RSRP1: variants seen among roughly 807,000 people sequenced by gnomAD.
RSRP1 encodes arginine/serine-rich protein 1.
Under a neutral mutation model 33.0 loss-of-function variants are expected in RSRP1, and 37 were observed. The ratio of observed to expected loss-of-function variants is 1.12; its 90% CI spans 0.86 to 1.48. The LOEUF (loss-of-function observed/expected upper bound fraction) is 1.48. Ranked by LOEUF, RSRP1 falls within the 40% of genes most tolerant of loss-of-function variation. RSRP1 has a pLI of 0.00. For missense variants in RSRP1, 402 were observed against 385.3 expected (o/e 1.04, Z -0.36); for synonymous variants, 167 against 158.7 (o/e 1.05, Z -0.40).
intron 1 of RSRP1, among the ~76,000 whole-genome samples, chr1:25,322,588 A>G (rs28435180): frequency 0.97 from 126,060 of 130,400 alleles, 61,636 homozygotes; most frequent in East Asian, 1. Flanking sequence ...CAGGAGAATC[A>G]CTTGAACCTG....
rs1452502975 is a variant in RSRP1 at position 25,302,688 on chromosome 1, C to T, written c.-67+35290G>A. Among the ~76,000 whole-genome samples, 6 of 130,292 alleles carry T rather than the reference C, an allele frequency of 4.6e-5. No individual in the cohort carries two copies. In the East Asian group the frequency reaches 9.8e-4, roughly 21 times the overall value. The allele number at this position is 130,292 out of a possible 152,430, so 85.5% of individuals were successfully genotyped here. A position where few individuals can be genotyped will look rare whatever the true frequency, so the allele number is the denominator to read the frequency against. On this transcript the variant is annotated intron_variant, in intron 1 of 1. Transcript: ENST00000561867. ...AACTGGGCCCAGTCACACAGGGTGG[C>T]ACAGGCACCAAGTAGCCAATAATAA...
At position 25,315,332 on chromosome 1, in the gene RSRP1, T is replaced by C. The variant is rs1005616731; in HGVS notation, c.-67+22646A>G. ...TTGGAGCTGGGGAGGAAGCAAACTA[T>C]TGAAGATATACAAAGATGGCAAAGA... On this transcript the variant is annotated intron_variant, in intron 1 of 1. Transcript: ENST00000561867. 2.0e-4 allele frequency among the ~76,000 whole-genome samples: 26 copies of C among 129,066 alleles called. 7 individuals are homozygous for C. Among genetic ancestry groups the C allele is most frequent in the Admixed American group, 3.0e-4 (4 of 13,234 alleles). 84.7% of individuals were successfully genotyped at this position (129,066 alleles called of 152,430 possible).
chr1:25,255,799 A>T (rs767506285), intron 1 of RSRP1, among the ~76,000 whole-genome samples: 8 of 152,178 alleles, frequency 5.3e-5, no homozygotes, highest in Non-Finnish European at 7.3e-5. Flanking sequence ...GGCAATCTAG[A>T]TTCCTCGCAT....
intron 1 of RSRP1, among the ~76,000 whole-genome samples, chr1:25,312,755 ATAAAAT>A (rs1644213666): frequency 8.5e-6 from 1 of 117,282 alleles, no homozygotes; most frequent in Admixed American, 8.4e-5. Context: ...GTCTCTACAA[ATAAAAT>A]TAAATAAACT....
In RSRP1 at chr1:25,304,694, G is replaced by T. The variant is rs1435523323; in HGVS notation, c.-67+33284C>A. The stretch of plus-strand genomic sequence containing the variant: ...TTGCAGCAACATGGATGGAACTGGA[G>T]GTAATTAAAAAATAAAATTAAATAA... On this transcript the variant is annotated intron_variant, in intron 1 of 1. Transcript: ENST00000561867. The T allele has an allele frequency of 3.0e-5, 4 of 131,360 alleles. No homozygotes were observed. In the East Asian group the frequency reaches 7.8e-4, roughly 26 times the overall value. 8.1% of individuals were successfully genotyped at this position (131,360 alleles called of 1,614,324 possible). A position where few individuals can be genotyped will look rare whatever the true frequency, so the allele number is the denominator to read the frequency against.
At chr1:25,313,479 C>T (rs1644273806) in intron 1 of RSRP1, among the ~76,000 whole-genome samples, 1 of 132,648 alleles carries the variant, frequency 7.5e-6, no homozygotes, top group Non-Finnish European at 1.8e-5. Context: ...GGTTGTTAAG[C>T]ATTGCTGTAC....
intron 1 of RSRP1, among the ~76,000 whole-genome samples, chr1:25,285,229 G>C (rs1297786742): frequency 7.5e-6 from 1 of 132,640 alleles, no homozygotes; most frequent in Non-Finnish European, 1.8e-5. Context: ...CAGCCTTCTG[G>C]GTTCAAGCGA....
intron 1 of RSRP1, among the ~76,000 whole-genome samples, chr1:25,257,846 A>G (rs973083552): frequency 6.6e-6 from 1 of 151,990 alleles, no homozygotes; most frequent in Non-Finnish European, 1.5e-5. Flanking sequence ...CCTAGGTTCA[A>G]GTGATCTGCC....
chr1:25,244,023 T>C, intron 3 of RSRP1: 10 of 1,191,356 alleles, frequency 8.4e-6, no homozygotes, highest in Non-Finnish European at 1.1e-5. Flanking sequence ...CAAACCCACA[T>C]CTGGGCCCAA....
rs755166839 is a variant in RSRP1, at chr1:25,246,575, G to A, written c.389C>T (p.Ala130Val). The A allele has an allele frequency of 3.1e-6, 5 of 1,614,068 alleles. No homozygotes were observed. In the Admixed American group the frequency reaches 5.0e-5, roughly 16 times the overall value. The part of the protein sequence containing the change: ...RSRGRSYCGR[A>V]YAIARGQRYY... Reference sequence around the variant, plus strand: ...GCGCTGTCCCCGCGCGATCGCGTACGCCCTTCCGCAGTACGACCTTCCCCG... The same window carrying A: ...GCGCTGTCCCCGCGCGATCGCGTACACCCTTCCGCAGTACGACCTTCCCCG... The change falls in exon 2 of 5, where the codon GCG becomes GTG. Residue 130 changes from alanine (A) to valine (V), a missense_variant. By Grantham distance (64) the Ala-to-Val change is moderately conservative. Transcript: ENST00000243189.
chr1:25,312,872 A>G (rs1471917140), intron 1 of RSRP1, among the ~76,000 whole-genome samples: 1 of 101,132 alleles, frequency 9.9e-6, no homozygotes, highest in Non-Finnish European at 2.2e-5. Context: ...GTGAGCTATG[A>G]TCATGCCACT....
intron 2 of RSRP1, 46 bp from the exon 3 acceptor site, chr1:25,245,347 G>A: frequency 1.3e-6 from 2 of 1,558,246 alleles, no homozygotes; most frequent in Non-Finnish European, 1.8e-6. Flanking sequence ...TAATCTGGTA[G>A]TTATTTCCCA....
rs1342810968 is a variant in RSRP1 at position 25,270,062 on chromosome 1, A to G, written c.-66-23033T>C. Among the ~76,000 whole-genome samples the G allele has an allele frequency of 1.5e-5, 2 of 132,118 alleles. 1 individual carries two copies. Among genetic ancestry groups the G allele is most frequent in the South Asian group, 4.6e-4 (2 of 4,326 alleles). The allele number at this position is 132,118 out of a possible 152,430, so 86.7% of individuals were successfully genotyped here. A position where few individuals can be genotyped will look rare whatever the true frequency, so the allele number is the denominator to read the frequency against. On this transcript the variant is annotated intron_variant, in intron 1 of 1. Coordinates refer to the RSRP1 transcript ENST00000561867. ...GCTTGTACTGGGCCCAGGTTAGCAG[A>G]GGTCACATCCATTTATCCCACTGCG... is the stretch of plus-strand genomic sequence containing the variant.
chr1:25,254,487 G>A (rs1354041434), intron 1 of RSRP1, among the ~76,000 whole-genome samples: 1 of 152,074 alleles, frequency 6.6e-6, no homozygotes, highest in Admixed American at 6.6e-5. Context: ...CCCGGCTGGA[G>A]TGCGGTGGTG....
At position 25,301,242 on chromosome 1, in the gene RSRP1, T is replaced by G. The variant is rs1643366219; in HGVS notation, c.-67+36736A>C. 4 of 904,560 alleles carry G rather than the reference T, an allele frequency of 4.4e-6. 2 individuals carry two copies. The highest frequency in any genetic ancestry group is 7.1e-6 in the Non-Finnish European group (4 of 562,874). 56.0% of individuals were successfully genotyped at this position (904,560 alleles called of 1,614,324 possible). On this transcript the variant is annotated intron_variant, in intron 1 of 1. Transcript: ENST00000561867. ...ATGATTCATTTCTTTGAGTAGTGTT[T>G]GCTAAATTCATACCTTTGAATTAAG... is the stretch of plus-strand genomic sequence containing the variant.
At position 25,261,752 on chromosome 1, in the gene RSRP1, C is replaced by T. The variant is rs28452765; in HGVS notation, c.-66-14723G>A. On this transcript the variant is annotated intron_variant, in intron 1 of 1. Coordinates refer to the RSRP1 transcript ENST00000561867. ...TTTGAGATGGAGTCTTGCTGTGTTG[C>T]CCAGCCTGGAGTGCAGTGTTATGAT... is the stretch of plus-strand genomic sequence containing the variant. Among the ~76,000 whole-genome samples, 1,076 of 137,752 alleles carry T rather than the reference C, an allele frequency of 7.8e-3. 14 individuals carry two copies. Among genetic ancestry groups the T allele is most frequent in the African/African-American group, 0.028 (972 of 35,232 alleles). The allele number at this position is 137,752 out of a possible 152,430, so 90.4% of individuals were successfully genotyped here. A position where few individuals can be genotyped will look rare whatever the true frequency, so the allele number is the denominator to read the frequency against.
intron 1 of RSRP1, among the ~76,000 whole-genome samples, chr1:25,288,935 ACTCCTTCCC>A (rs1642264974): frequency 7.5e-6 from 1 of 132,598 alleles, no homozygotes; most frequent in Non-Finnish European, 1.8e-5. Flanking sequence ...TCCCTGTAAG[ACTCCTTCCC>A]CATGCCCTTG....
At chr1:25,245,405 TA>T in intron 2 of RSRP1, 104 bp from the exon 3 acceptor site, 1 of 1,384,296 alleles carries the variant, frequency 7.2e-7, no homozygotes, top group South Asian at 1.4e-5. Context: ...TGGTATTAAA[TA>T]TATTAAGTCA....
At chr1:25,255,231 C>G (rs1348548883) in intron 1 of RSRP1, among the ~76,000 whole-genome samples, 3 of 152,198 alleles carry the variant, frequency 2.0e-5, no homozygotes, top group African/African-American at 7.2e-5. Context: ...GTTACTGATG[C>G]TATAAGAGGC....
Sources: allele counts gnomAD v4.1 joint callset (sites outside exome capture counted in the v4.1 genomes callset), GRCh38; gene constraint gnomAD v4.1.1; transcripts MANE v1.5; gene names NCBI Gene and HGNC (gene_info 2026-07-23, HGNC 2026-07-21).